TMEM37: variants seen among roughly 807,000 people sequenced by gnomAD.
TMEM37 encodes transmembrane protein 37.
In TMEM37, 12 loss-of-function variants were observed where a neutral mutation model predicts 11.0. That is an observed-to-expected ratio of 1.09 (90% CI 0.70 to 1.76). The LOEUF is 1.76. Ranked by LOEUF, TMEM37 falls within the 40% of genes most tolerant of loss-of-function variation. The probability of loss-of-function intolerance (pLI) is 0.00; values close to 1 mark genes in which losing one functional copy is unlikely to be tolerated. For missense variants in TMEM37, 203 were observed against 251.2 expected (o/e 0.81, Z 1.30); for synonymous variants, 127 against 110.5 (o/e 1.15, Z -0.94).
intron 1 of TMEM37, among the ~76,000 whole-genome samples, chr2:119,436,300 G>A (rs1558825020): frequency 6.6e-6 from 1 of 152,200 alleles, no homozygotes; most frequent in Non-Finnish European, 1.5e-5. Flanking sequence ...CTGAGGGCAA[G>A]ATGCAAATGT....
chr2:119,429,969 T>C (rs1682360977), upstream of TMEM37: 1 of 1,550,498 alleles, frequency 6.4e-7, no homozygotes, highest in Non-Finnish European at 8.7e-7. Flanking sequence ...TTCCAGGCAC[T>C]TCCCTCTTGG....
upstream of TMEM37, among the ~76,000 whole-genome samples, chr2:119,430,964 C>A (rs1558823244): frequency 6.6e-6 from 1 of 152,134 alleles, no homozygotes; most frequent in African/African-American, 2.4e-5. Context: ...TGGTGAAACC[C>A]CCGTCTCTGC....
In TMEM37 at chr2:119,437,135, C is replaced by T. The variant is rs1395296395; in HGVS notation, c.268C>T (p.Leu90=). Residue 90 remains leucine (L), a synonymous_variant, in exon 2 of 2, where the codon CTG becomes TTG. Coordinates refer to ENST00000306406, the MANE Select transcript of TMEM37 (RefSeq NM_183240.3). ...GCCCGGGCTGGCCGTGGGCATGGGC[C>T]TGGTACGCAGCGTGGGCGCCTTGGC... The part of the protein sequence containing the change: ...HVPGLAVGMG[L]VRSVGALAVV... 8.1e-6 allele frequency: 13 copies of T among 1,614,074 alleles called. No homozygotes were observed. Among genetic ancestry groups the T allele is most frequent in the Non-Finnish European group, 1.1e-5 (13 of 1,180,040 alleles).
Position 119,437,321 on chromosome 2 carries a change from C to T in TMEM37, c.454C>T (p.Gln152Ter), listed in dbSNP as rs1286141158. The T allele has an allele frequency of 6.2e-7, 1 of 1,614,244 alleles. No individual in the cohort carries two copies. Among genetic ancestry groups the T allele is most frequent in the Non-Finnish European group, 8.5e-7 (1 of 1,180,040 alleles). ...LLGFVILLRN[Q>*]VTLIGFTLMF... ...GGGTTTTGTGATCCTCCTCAGGAAC[C>T]AAGTCACACTCATCGGCTTCACCCT... The change falls in exon 2 of 2, where the codon CAA becomes TAA. Residue 152 changes from glutamine to a stop codon, truncating the protein, a stop_gained. Transcript: ENST00000306406. LOFTEE classifies it high-confidence loss of function.
At chr2:119,432,006 G>T in intron 1 of TMEM37, 82 bp downstream of exon 1, 1 of 938,720 alleles carries the variant, frequency 1.1e-6, no homozygotes, top group Non-Finnish European at 1.4e-6. Flanking sequence ...AGGGAGGGGC[G>T]TACCCACCGC....
upstream of TMEM37, among the ~76,000 whole-genome samples, chr2:119,430,857 C>T (rs1423217517): frequency 6.6e-6 from 1 of 152,176 alleles, no homozygotes; most frequent in African/African-American, 2.4e-5. Flanking sequence ...TCAGATCCGG[C>T]CGGATGCGGT....
In TMEM37 at chr2:119,437,057, T is replaced by C. The variant is rs1185899234; in HGVS notation, c.190T>C (p.Cys64Arg). ...CCGCCTCTTCGGGCTCTGGCACTTC[T>C]GCACCACCACCAACCAGACGATCTG... ...EDRLFGLWHFCTTTNQTICFR... is the reference protein window; with the variant it reads ...EDRLFGLWHFRTTTNQTICFR... Residue 64 changes from cysteine to arginine, a missense_variant, in exon 2 of 2, where the codon TGC becomes CGC. Cys to Arg is a radical substitution (Grantham distance 180). Coordinates refer to ENST00000306406, the MANE Select transcript of TMEM37 (RefSeq NM_183240.3). The C allele has an allele frequency of 6.4e-7, 1 of 1,560,016 alleles. No homozygotes were observed. Among genetic ancestry groups the C allele is most frequent in the East Asian group, 2.3e-5 (1 of 42,936 alleles).
intron 1 of TMEM37, among the ~76,000 whole-genome samples, chr2:119,436,091 C>T (rs17015860): frequency 0.034 from 5,144 of 152,202 alleles, 113 homozygotes; most frequent in African/African-American, 0.061. Flanking sequence ...GTGCAGTGCC[C>T]GGGTGGTGTC....
At position 119,437,042 on chromosome 2, in the gene TMEM37, G is replaced by A. The variant is rs771796297; in HGVS notation, c.175G>A (p.Gly59Arg). ...HWLLAEDRLF[G>R]LWHFCTTTNQ... ...GCTCCTGGCTGAGGACCGCCTCTTC[G>A]GGCTCTGGCACTTCTGCACCACCAC... Residue 59 changes from glycine to arginine, a missense_variant, in exon 2 of 2, where the codon GGG becomes AGG. Transcript: ENST00000306406. 9.9e-6 allele frequency: 16 copies of A among 1,610,258 alleles called. No homozygotes were observed. The highest frequency in any genetic ancestry group is 4.5e-5 in the East Asian group (2 of 44,618).
chr2:119,430,216 G>A (rs1682366799), upstream of TMEM37: 2 of 646,064 alleles, frequency 3.1e-6, no homozygotes, highest in South Asian at 1.7e-5. Context: ...GCTGAGCCTG[G>A]GCAGCTGCCC....
rs774694488 is a variant in TMEM37, at chr2:119,436,878, G to GT, written c.22-5dup. The GT allele has an allele frequency of 3.0e-5, 48 of 1,606,078 alleles. No individual in the cohort carries two copies. The highest frequency in any genetic ancestry group is 3.9e-5 in the Non-Finnish European group (46 of 1,176,288). ...TGTGGCTGACAGGGTGCTTCCTACG[G>GT]TTTTTTCCAGGCCCAGAGGCCTTTG... On this transcript the variant is annotated splice_polypyrimidine_tract_variant and intron_variant, in intron 1 of 1. Transcript: ENST00000306406.
chr2:119,430,123 T>G, upstream of TMEM37: 1 of 733,572 alleles, frequency 1.4e-6, no homozygotes, highest in Non-Finnish European at 2.3e-6. Flanking sequence ...CTGCGGAGAG[T>G]CTGGCTTCTG....
At chr2:119,431,767 G>A (rs937697589), upstream of TMEM37, 45 of 693,568 alleles carry the variant, frequency 6.5e-5, 1 homozygote, top group Admixed American at 1.4e-4. Context: ...GTTAATCGCC[G>A]AGCTTTGAAC....
In TMEM37 at chr2:119,437,271, T is replaced by C. The variant is rs1333805622; in HGVS notation, c.404T>C (p.Phe135Ser). Reference protein sequence around the residue: ...VMGSILLLVSFVLSSGGLLGF... With the variant: ...VMGSILLLVSSVLSSGGLLGF... Reference sequence around the variant, plus strand: ...GGTTCCATCCTCCTCCTGGTGTCTTTCGTCCTCTCCTCCGGCGGGCTCCTG... The same window carrying C: ...GGTTCCATCCTCCTCCTGGTGTCTTCCGTCCTCTCCTCCGGCGGGCTCCTG... Residue 135 changes from phenylalanine to serine, a missense_variant, in exon 2 of 2, where the codon TTC becomes TCC. Phe to Ser is a radical substitution (Grantham distance 155, BLOSUM62 -2). Transcript: ENST00000306406. 3 of 1,614,236 alleles carry C rather than the reference T, an allele frequency of 1.9e-6. No individual in the cohort carries two copies. Among genetic ancestry groups the C allele is most frequent in the South Asian group, 1.1e-5 (1 of 91,082 alleles).
intron 1 of TMEM37, among the ~76,000 whole-genome samples, chr2:119,435,732 AAACTGTCCTCAG>A (rs1682483902): frequency 6.6e-6 from 1 of 152,226 alleles, no homozygotes; most frequent in Non-Finnish European, 1.5e-5. Flanking sequence ...ATGTAACTAC[AAACTGTCCTCAG>A]AATGGTGAAG....
At chr2:119,430,117 G>T (rs908294498), upstream of TMEM37, 4 of 768,750 alleles carry the variant, frequency 5.2e-6, no homozygotes, top group African/African-American at 1.8e-5. Context: ...CCAGAGCTGC[G>T]GAGAGTCTGG....
intron 1 of TMEM37, 144 bp from the exon 2 acceptor site, chr2:119,436,745 G>C (rs1294143996): frequency 1.2e-5 from 8 of 680,454 alleles, no homozygotes; most frequent in Non-Finnish European, 2.0e-5. Flanking sequence ...CGGTGGGTCT[G>C]GTCTGTTCCG....
upstream of TMEM37, among the ~76,000 whole-genome samples, chr2:119,431,216 T>C (rs1682387396): frequency 6.6e-6 from 1 of 152,158 alleles, no homozygotes; most frequent in African/African-American, 2.4e-5. Flanking sequence ...TTGTTTGGCA[T>C]ATTTGCATTT....
At chr2:119,429,954 T>G (rs1300340327), upstream of TMEM37, 16 of 1,550,580 alleles carry the variant, frequency 1.0e-5, no homozygotes, top group Non-Finnish European at 1.4e-5. Context: ...TTCTTCTGAT[T>G]TTAATTCCAG....
Sources: gnomAD v4.1 joint callset for allele counts (sites outside exome capture counted in the v4.1 genomes callset) on GRCh38, gnomAD v4.1.1 for gene constraint, MANE v1.5 for transcripts, NCBI Gene and HGNC (gene_info 2026-07-23, HGNC 2026-07-21) for gene names.